PXDN: variants seen among roughly 807,000 people sequenced by gnomAD.
PXDN encodes peroxidasin.
In PXDN, 77 loss-of-function variants were observed where a neutral mutation model predicts 140.3. The observed-to-expected ratio is 0.55, with a 90% CI of 0.46 to 0.66. The LOEUF (loss-of-function observed/expected upper bound fraction) is 0.66. Ranked by LOEUF, PXDN falls within the 30% of genes least tolerant of loss-of-function variation. The pLI is 0.00. For missense variants in PXDN, 1,838 were observed against 2,039.5 expected (o/e 0.90, Z 1.90); for synonymous variants, 911 against 857.4 (o/e 1.06, Z -1.09).
intron 1 of PXDN, among the ~76,000 whole-genome samples, chr2:1,742,586 C>T (rs1015800296): frequency 6.6e-6 from 1 of 152,194 alleles, no homozygotes; most frequent in Non-Finnish European, 1.5e-5. Context: ...GCAAAACATA[C>T]CGCAAGCTTT....
Position 1,658,027 on chromosome 2 carries a change from GCTCTCTCTCTCTCTCT to G in PXDN, c.1837+2838_1837+2853del, listed in dbSNP as rs1156959508. Among the ~76,000 whole-genome samples, 40 of 4,910 alleles carry G rather than the reference GCTCTCTCTCTCTCTCT, an allele frequency of 8.1e-3. 4 individuals are homozygous for G. The highest frequency in any genetic ancestry group is 0.012 in the Non-Finnish European group (27 of 2,172). 3.2% of individuals were successfully genotyped at this position (4,910 alleles called of 152,430 possible). ...CCTGAGCACTCCATTTCAGCTGTGG[GCTCTCTCTCTCTCTCT>G]CTCTCTCTCTCTCTCTCTCTCTCTC... On this transcript the variant is annotated intron_variant, in intron 14 of 22. Transcript: ENST00000252804.
At chr2:1,665,691 T>C (rs945919817) in intron 10 of PXDN, among the ~76,000 whole-genome samples, 3 of 152,244 alleles carry the variant, frequency 2.0e-5, no homozygotes, top group African/African-American at 7.2e-5. Flanking sequence ...TAATAATTTA[T>C]CTTTTGCACT....
chr2:1,666,164 G>C, intron 10 of PXDN, 50 bp downstream of exon 10: 1 of 1,598,510 alleles, frequency 6.3e-7, no homozygotes. Context: ...CTAGTGGAGG[G>C]GTGAGGATGG....
chr2:1,663,186 G>T (rs144332874), intron 12 of PXDN, among the ~76,000 whole-genome samples: 1 of 152,112 alleles, frequency 6.6e-6, no homozygotes, highest in Non-Finnish European at 1.5e-5. Context: ...AAAGAAACTG[G>T]ATTTGGCCTC....
At chr2:1,657,114 C>G (rs1433954249) in intron 14 of PXDN, among the ~76,000 whole-genome samples, 10 of 150,594 alleles carry the variant, frequency 6.6e-5, no homozygotes, top group Admixed American at 4.0e-4. Context: ...GGGACCCGAA[C>G]TCTTTAAACT....
Position 1,734,342 on chromosome 2 carries a change from A to C in PXDN, c.200+9914T>G, listed in dbSNP as rs550163094. 7.2e-5 allele frequency among the ~76,000 whole-genome samples: 11 copies of C among 152,296 alleles called. No individual in the cohort carries two copies. In the South Asian group the frequency reaches 2.3e-3, roughly 32 times the overall value. On this transcript the variant is annotated intron_variant, in intron 1 of 22. Coordinates refer to ENST00000252804, the MANE Select transcript of PXDN (RefSeq NM_012293.3). Reference sequence around the variant, plus strand: ...CTAAAAAAATTTTATAAAACACCTGAGCCTTCAGAGAGTTTTCTTCTTTTG... The same window carrying C: ...CTAAAAAAATTTTATAAAACACCTGCGCCTTCAGAGAGTTTTCTTCTTTTG...
rs547805233 is a variant in PXDN at position 1,635,146 on chromosome 2, G to A, written c.4320+262C>T. 1.7e-4 allele frequency among the ~76,000 whole-genome samples: 26 copies of A among 151,324 alleles called. 1 individual carries two copies. Among genetic ancestry groups the A allele is most frequent in the African/African-American group, 6.1e-4 (25 of 40,752 alleles). On this transcript the variant is annotated intron_variant, in intron 22 of 22. Transcript: ENST00000252804. ...AAGCCAGTGCACACAAGCAGCCCCA[G>A]GTGGCCCTGCACAGAGTAGGGGCTG...
chr2:1,639,410 C>A lies in PXDN; in HGVS notation c.3965G>T (p.Arg1322Met), dbSNP rs1682661511. Residue 1322 changes from arginine (R) to methionine (M), a missense_variant, in exon 20 of 23, where the codon AGG (arginine) becomes ATG (methionine). This residue lies in a region of PXDN where 850 missense variants were observed against 894.1 expected (regional missense o/e 0.95). Transcript: ENST00000252804. This position sits in a 1 kb window ranked among gnomAD's most constrained non-coding sequence, Gnocchi z 5.0. Reference protein sequence around the residue: ...WQDCCEDCRTRGQFNAFSYHF... With the variant: ...WQDCCEDCRTMGQFNAFSYHF... ...ATAGGAAAAGGCATTGAACTGCCCCCTGGTCCTACAGTCTAAAATGGAAGC... is the reference window on the plus strand; with the variant it reads ...ATAGGAAAAGGCATTGAACTGCCCCATGGTCCTACAGTCTAAAATGGAAGC... 6.2e-7 allele frequency: 1 copy of A among 1,614,010 alleles called. No individual in the cohort carries two copies. The highest frequency in any genetic ancestry group is 1.3e-5 in the African/African-American group (1 of 75,052).
intron 6 of PXDN, among the ~76,000 whole-genome samples, chr2:1,682,137 C>T (rs1422335305): frequency 6.6e-6 from 1 of 152,168 alleles, no homozygotes; most frequent in Non-Finnish European, 1.5e-5. Flanking sequence ...TTGCCAGACA[C>T]CCAGAGAGAG....
At chr2:1,720,243 G>A (rs1338152304) in intron 1 of PXDN, among the ~76,000 whole-genome samples, 1 of 129,878 alleles carries the variant, frequency 7.7e-6, no homozygotes, top group African/African-American at 3.0e-5. Flanking sequence ...GAGAGAGGGA[G>A]GGAGGGATGC....
At chr2:1,672,212 A>G (rs1261189015) in intron 9 of PXDN, 1 of 152,188 alleles carries the variant, frequency 6.6e-6, no homozygotes, top group Non-Finnish European at 1.5e-5. Context: ...TCAGACTAGT[A>G]TACTAAATAG....
Position 1,664,658 on chromosome 2 carries a change from A to G in PXDN, c.1408+300T>C. The G allele has an allele frequency of 8.4e-6, 3 of 355,438 alleles. No individual in the cohort carries two copies. The South Asian group carries it at 1.8e-4, about 21-fold the overall frequency. The allele number at this position is 355,438 out of a possible 1,614,324, so 22.0% of individuals were successfully genotyped here. On this transcript the variant is annotated intron_variant, in intron 11 of 22. Coordinates refer to ENST00000252804, the MANE Select transcript of PXDN (RefSeq NM_012293.3). ...GGCTACTTAAAAGCACATCCTAGAG[A>G]CTATCTGAAACAAGGCAGGTGTGAG...
chr2:1,644,636 C>T lies in PXDN; in HGVS notation c.3725G>A (p.Arg1242His), dbSNP rs374491833. ...TGCTCACCTGTCCCCATCTCGCAGG[C>T]GCTTGAACTGTGTGCTGAGAAGACA... ...LMCLLSTQFKRLRDGDRLWYE... is the reference protein window; with the variant it reads ...LMCLLSTQFKHLRDGDRLWYE... Residue 1242 changes from arginine (R) to histidine (H), a missense_variant, in exon 18 of 23, where the codon CGC (arginine) becomes CAC (histidine). Arg to His is a conservative substitution (Grantham distance 29). Transcript: ENST00000252804. 9.9e-5 allele frequency: 159 copies of T among 1,606,182 alleles called. No homozygotes were observed. The highest frequency in any genetic ancestry group is 1.2e-4 in the Non-Finnish European group (143 of 1,175,004).
chr2:1,676,967 C>T lies in PXDN; in HGVS notation c.808G>A (p.Glu270Lys), dbSNP rs763793067. Residue 270 changes from glutamate to lysine, a missense_variant, in exon 8 of 23, where the codon GAA becomes AAA. This residue lies in a region of PXDN where 208 missense variants were observed against 325.8 expected (regional missense o/e 0.64). Transcript: ENST00000252804. ...GNTVYFTCRA[E>K]GNPKPEIIWL... ...ATGATCTCAGGCTTGGGGTTGCCTT[C>T]GGCTCTGCAGGTGAAGTACACGGTG... 5 of 1,612,814 alleles carry T rather than the reference C, an allele frequency of 3.1e-6. No individual in the cohort carries two copies. The highest frequency in any genetic ancestry group is 4.5e-5 in the East Asian group (2 of 44,868).
At chr2:1,658,954 G>C (rs988339306) in intron 14 of PXDN, among the ~76,000 whole-genome samples, 1 of 152,266 alleles carries the variant, frequency 6.6e-6, no homozygotes, top group South Asian at 2.1e-4. Context: ...CCATCTGAGC[G>C]TGACTGCTCA....
intron 1 of PXDN, among the ~76,000 whole-genome samples, chr2:1,726,455 G>C (rs1240867631): frequency 6.7e-6 from 1 of 149,940 alleles, no homozygotes; most frequent in Non-Finnish European, 1.5e-5. Flanking sequence ...GGGAGGGATA[G>C]CTTTAGGAGA....
intron 1 of PXDN, among the ~76,000 whole-genome samples, chr2:1,743,834 G>A (rs1159409216): frequency 1.4e-5 from 2 of 144,566 alleles, no homozygotes; most frequent in East Asian, 2.1e-4. Flanking sequence ...GGACCGAGGG[G>A]TCCTGAGCGG....
chr2:1,653,478 G>T, intron 16 of PXDN, 150 bp downstream of exon 16: 1 of 1,184,116 alleles, frequency 8.4e-7, no homozygotes, highest in Non-Finnish European at 1.2e-6. Flanking sequence ...GGCTCAAGAG[G>T]AATCACAGTT....
rs1638472207 is a variant in PXDN at position 1,685,688 on chromosome 2, C to CAG, written c.417-1539_417-1538dup. ...AAATCCCTCCACCCAGACTGCAATG[C>CAG]AGGTTGGCCAGGGGGACGGCTGAGT... On this transcript the variant is annotated intron_variant, in intron 4 of 22. Transcript: ENST00000252804. This position sits in a 1 kb window ranked among gnomAD's most constrained non-coding sequence, Gnocchi z 5.1. 6.6e-6 allele frequency among the ~76,000 whole-genome samples: 1 copy of CAG among 151,954 alleles called. No homozygotes were observed. The highest frequency in any genetic ancestry group is 1.5e-5 in the Non-Finnish European group (1 of 68,002).
Sources: allele counts gnomAD v4.1 joint callset (sites outside exome capture counted in the v4.1 genomes callset), GRCh38; gene constraint gnomAD v4.1.1; regional missense constraint gnomAD v4.1.1; non-coding constraint Gnocchi (gnomAD v3.1); transcripts MANE v1.5; gene names NCBI Gene and HGNC (gene_info 2026-07-23, HGNC 2026-07-21).